PARD3B: variants seen among roughly 807,000 people sequenced by gnomAD.
PARD3B encodes partitioning defective 3 homolog B.
Under a neutral mutation model 130.2 loss-of-function variants are expected in PARD3B, and 103 were observed. The observed-to-expected ratio is 0.79, with a 90% CI of 0.67 to 0.93. The LOEUF (loss-of-function observed/expected upper bound fraction) is 0.93. Among genes scored for constraint, PARD3B ranks in the 40% least tolerant of loss-of-function variants. The pLI is 0.00. For missense variants in PARD3B, 1,609 were observed against 1,499.2 expected (o/e 1.07, Z -1.21); for synonymous variants, 583 against 553.2 (o/e 1.05, Z -0.76).
chr2:204,558,630 T>C (rs995065679), intron 1 of PARD3B, among the ~76,000 whole-genome samples: 10 of 152,194 alleles, frequency 6.6e-5, no homozygotes, highest in African/African-American at 1.9e-4. Flanking sequence ...AGGTAATTTA[T>C]AGATTCAGTG....
intron 4 of PARD3B, among the ~76,000 whole-genome samples, chr2:205,087,490 A>C (rs781304603): frequency 1.3e-5 from 2 of 151,844 alleles, no homozygotes; most frequent in African/African-American, 2.4e-5. Flanking sequence ...TGATCTGTAC[A>C]TTTTCTCTTT....
intron 2 of PARD3B, among the ~76,000 whole-genome samples, chr2:204,706,537 C>CT (rs2038169385): frequency 6.6e-6 from 1 of 151,964 alleles, no homozygotes; most frequent in African/African-American, 2.4e-5. Flanking sequence ...TAGGGGTTTA[C>CT]TTTGAAAAAT....
intron 1 of PARD3B, among the ~76,000 whole-genome samples, chr2:204,656,269 C>T (rs998252376): frequency 2.6e-5 from 4 of 152,074 alleles, no homozygotes; most frequent in Non-Finnish European, 2.9e-5. Flanking sequence ...AATCGATCTA[C>T]GATTGCACCT....
intron 18 of PARD3B, among the ~76,000 whole-genome samples, chr2:205,390,415 T>G (rs911216289): frequency 1.3e-5 from 2 of 152,204 alleles, no homozygotes; most frequent in African/African-American, 4.8e-5. Context: ...GTTCTTAATT[T>G]TAAATTTCAG....
chr2:204,791,714 A>G (rs1019860587), intron 2 of PARD3B, among the ~76,000 whole-genome samples: 3 of 152,212 alleles, frequency 2.0e-5, no homozygotes, highest in Non-Finnish European at 4.4e-5. Context: ...CCCTTTTAAA[A>G]TAAGGATTGT....
At chr2:204,833,057 A>G (rs1046251433) in intron 2 of PARD3B, among the ~76,000 whole-genome samples, 3 of 152,194 alleles carry the variant, frequency 2.0e-5, no homozygotes, top group African/African-American at 7.2e-5. Flanking sequence ...CATTGAAAAT[A>G]CCCTGAAACT....
chr2:204,748,099 A>G (rs558779127), intron 2 of PARD3B, among the ~76,000 whole-genome samples: 6 of 152,240 alleles, frequency 3.9e-5, no homozygotes, highest in South Asian at 2.1e-4. Context: ...GATAATATCT[A>G]TCATGTAGGC....
intron 2 of PARD3B, among the ~76,000 whole-genome samples, chr2:204,772,750 C>CTA (rs376978158): frequency 1.3e-5 from 2 of 151,858 alleles, no homozygotes; most frequent in African/African-American, 2.4e-5. Flanking sequence ...AAATTTATGA[C>CTA]TTCCCATTGA....
intron 19 of PARD3B, among the ~76,000 whole-genome samples, chr2:205,432,293 C>T (rs981259095): frequency 2.6e-5 from 4 of 152,188 alleles, no homozygotes; most frequent in Non-Finnish European, 5.9e-5. Context: ...ATGCCCACTT[C>T]ACTCTGTTCT....
intron 2 of PARD3B, among the ~76,000 whole-genome samples, chr2:204,706,875 AAAT>A (rs769304584): frequency 1.1e-4 from 17 of 152,336 alleles, no homozygotes; most frequent in South Asian, 2.1e-4. Flanking sequence ...ATATCTGGTG[AAAT>A]AATGATGATA....
intron 16 of PARD3B, among the ~76,000 whole-genome samples, chr2:205,257,329 GT>G (rs10708473): frequency 0.24 from 35,757 of 147,514 alleles, 4,508 homozygotes; most frequent in East Asian, 0.32. Flanking sequence ...TAGCCAATCA[GT>G]TTTTTTTTTA....
intron 18 of PARD3B, among the ~76,000 whole-genome samples, chr2:205,374,687 G>A (rs981687323): frequency 6.6e-6 from 1 of 151,880 alleles, no homozygotes; most frequent in Non-Finnish European, 1.5e-5. Flanking sequence ...ATTTTTCACT[G>A]CTGCATAATA....
At chr2:205,485,522 C>T (rs560306877) in intron 20 of PARD3B, among the ~76,000 whole-genome samples, 1 of 152,182 alleles carries the variant, frequency 6.6e-6, no homozygotes, top group Non-Finnish European at 1.5e-5. Context: ...TCAGAGAGGT[C>T]AGCTAGTTCC....
intron 18 of PARD3B, among the ~76,000 whole-genome samples, chr2:205,398,884 A>G (rs2046133831): frequency 6.6e-6 from 1 of 152,306 alleles, no homozygotes; most frequent in South Asian, 2.1e-4. Context: ...TTTATATGTC[A>G]GGTCCTCATG....
intron 22 of PARD3B, among the ~76,000 whole-genome samples, chr2:205,580,718 G>A (rs899151926): frequency 1.3e-5 from 2 of 152,156 alleles, no homozygotes; most frequent in African/African-American, 4.8e-5. Context: ...CTTAATGATA[G>A]TCATATAAGA....
At position 205,269,300 on chromosome 2, in the gene PARD3B, A is replaced by G. The variant is rs545163222; in HGVS notation, c.2185+23478A>G. On this transcript the variant is annotated intron_variant, in intron 16 of 22. Transcript: ENST00000406610. This position sits in a 1 kb window ranked among gnomAD's most constrained non-coding sequence, Gnocchi z 4.7. ...AAAACTTTTTGGTACTTAATCCTAT[A>G]AAAATAATGACATACTCTTATAATT... Among the ~76,000 whole-genome samples the G allele has an allele frequency of 2.0e-5, 3 of 152,286 alleles. No homozygotes were observed. The highest frequency in any genetic ancestry group is 1.3e-4 in the Admixed American group (2 of 15,292).
intron 16 of PARD3B, among the ~76,000 whole-genome samples, chr2:205,249,135 G>C (rs548998868): frequency 4.1e-4 from 61 of 147,158 alleles, no homozygotes; most frequent in Non-Finnish European, 7.9e-4. Context: ...TCAGCCTCCT[G>C]AGTAGCTGGG....
chr2:204,545,866 C>A lies in PARD3B; in HGVS notation c.-134C>A. ...AGGGGCGCTGCCGCGAGCCTCCGGG[C>A]CTCAGGGTGTTCCGGGGAGCGGCGC... is the stretch of plus-strand genomic sequence containing the variant. On this transcript the variant is annotated 5_prime_UTR_variant, in exon 1 of 23. Transcript: ENST00000406610. 9.9e-7 allele frequency: 1 copy of A among 1,009,628 alleles called. No individual in the cohort carries two copies. The highest frequency in any genetic ancestry group is 1.4e-6 in the Non-Finnish European group (1 of 739,100). 62.5% of individuals were successfully genotyped at this position (1,009,628 alleles called of 1,614,324 possible). A position where few individuals can be genotyped will look rare whatever the true frequency, so the allele number is the denominator to read the frequency against.
intron 1 of PARD3B, among the ~76,000 whole-genome samples, chr2:204,546,990 G>A (rs1416839801): frequency 6.6e-6 from 1 of 152,132 alleles, no homozygotes; most frequent in Non-Finnish European, 1.5e-5. Context: ...TTAATTTTTT[G>A]AATCTTCACA....
Sources: gnomAD v4.1 joint callset for allele counts (sites outside exome capture counted in the v4.1 genomes callset) on GRCh38, gnomAD v4.1.1 for gene constraint, Gnocchi (gnomAD v3.1) non-coding constraint, MANE v1.5 for transcripts, NCBI Gene and HGNC (gene_info 2026-07-23, HGNC 2026-07-21) for gene names.